ZNF385B: variants seen among roughly 807,000 people sequenced by gnomAD.
The protein encoded by ZNF385B is zinc finger protein 533.
Under a neutral mutation model 39.2 loss-of-function variants are expected in ZNF385B, and 23 were observed. That is an observed-to-expected ratio of 0.59 (90% CI 0.42 to 0.83). The LOEUF is 0.83. Ranked by LOEUF, ZNF385B falls within the 40% of genes least tolerant of loss-of-function variation. The pLI is 0.00. For missense variants in ZNF385B, 552 were observed against 598.9 expected (o/e 0.92, Z 0.82); for synonymous variants, 205 against 222.6 (o/e 0.92, Z 0.70).
intron 5 of ZNF385B, among the ~76,000 whole-genome samples, chr2:179,489,556 A>G (rs1367392858): frequency 6.6e-6 from 1 of 152,228 alleles, no homozygotes; most frequent in Non-Finnish European, 1.5e-5. Flanking sequence ...AGTTAAACAT[A>G]CTAAGAAACT....
intron 1 of ZNF385B, among the ~76,000 whole-genome samples, chr2:179,793,455 A>C (rs1705465706): frequency 6.6e-6 from 1 of 152,126 alleles, no homozygotes; most frequent in African/African-American, 2.4e-5. Flanking sequence ...AGGTGATTGG[A>C]TCATGGGGAT....
At chr2:179,707,321 A>G (rs1699681303) in intron 3 of ZNF385B, among the ~76,000 whole-genome samples, 1 of 152,182 alleles carries the variant, frequency 6.6e-6, no homozygotes, top group African/African-American at 2.4e-5. Flanking sequence ...TTAAAATGGC[A>G]TCCATCACAA....
chr2:179,515,580 T>G lies in ZNF385B; in HGVS notation c.552+2948A>C, dbSNP rs905569336. Among the ~76,000 whole-genome samples the G allele has an allele frequency of 3.3e-5, 5 of 152,240 alleles. No homozygotes were observed. The South Asian group carries it at 1.0e-3, about 31-fold the overall frequency. On this transcript the variant is annotated intron_variant, in intron 5 of 9. Transcript: ENST00000410066. ...AATTTGAACAATAACTGAGCAATAC[T>G]GTAAAATTTACTTGAATCTATTTCA...
chr2:179,627,120 T>C (rs1014683221), intron 3 of ZNF385B, among the ~76,000 whole-genome samples: 4 of 152,190 alleles, frequency 2.6e-5, no homozygotes, highest in African/African-American at 9.6e-5. Flanking sequence ...CTTCTTAGCC[T>C]ACCAATTAAT....
chr2:179,721,883 A>G lies in ZNF385B; in HGVS notation c.298+47620T>C, dbSNP rs1700719510. 2.6e-5 allele frequency among the ~76,000 whole-genome samples: 4 copies of G among 152,096 alleles called. No individual in the cohort carries two copies. The South Asian group carries it at 6.2e-4, about 24-fold the overall frequency. Reference sequence around the variant, plus strand: ...GAATAAGACAAAAACAAACAAACAAAAAACAATACAAGGTCTAAGAAATAG... The same window carrying G: ...GAATAAGACAAAAACAAACAAACAAGAAACAATACAAGGTCTAAGAAATAG... On this transcript the variant is annotated intron_variant, in intron 3 of 9. Transcript: ENST00000410066.
At chr2:179,684,121 C>G (rs997508597) in intron 3 of ZNF385B, among the ~76,000 whole-genome samples, 3 of 152,034 alleles carry the variant, frequency 2.0e-5, no homozygotes, top group Non-Finnish European at 4.4e-5. Flanking sequence ...ATTTTAGAAA[C>G]CTCCCATTTA....
intron 3 of ZNF385B, among the ~76,000 whole-genome samples, chr2:179,753,011 G>A (rs1702776354): frequency 6.6e-6 from 1 of 152,160 alleles, no homozygotes; most frequent in Non-Finnish European, 1.5e-5. Flanking sequence ...CTTTGCCCAA[G>A]CCTATGTCCT....
intron 3 of ZNF385B, among the ~76,000 whole-genome samples, chr2:179,764,174 T>C (rs965669531): frequency 6.6e-6 from 1 of 152,210 alleles, no homozygotes; most frequent in Non-Finnish European, 1.5e-5. Flanking sequence ...TAGGTCTTCC[T>C]GGTGAGTTGA....
chr2:179,834,538 C>CG (rs1156563519), intron 1 of ZNF385B, among the ~76,000 whole-genome samples: 1 of 151,840 alleles, frequency 6.6e-6, no homozygotes, highest in Admixed American at 6.6e-5. Flanking sequence ...AAACGAAAGA[C>CG]GGGGGGAAAG....
chr2:179,783,330 C>T (rs1324516342), intron 1 of ZNF385B, among the ~76,000 whole-genome samples: 13 of 152,162 alleles, frequency 8.5e-5, no homozygotes, highest in Middle Eastern at 3.4e-3. Context: ...CAAAAATCAA[C>T]CCAAGATGGA....
rs147528090 is a variant in ZNF385B, at chr2:179,483,882, T to C, written c.553-448A>G. On this transcript the variant is annotated intron_variant, in intron 5 of 9. Coordinates refer to ENST00000410066, the MANE Select transcript of ZNF385B (RefSeq NM_152520.6). ...GTGTCTACTTTCTTCTGGGCTCTGC[T>C]CTGAGACCAACTGGTGTGATAAAAC... is the stretch of plus-strand genomic sequence containing the variant. Among the ~76,000 whole-genome samples the C allele has an allele frequency of 3.7e-3, 560 of 152,314 alleles. 3 individuals are homozygous for C. The highest frequency in any genetic ancestry group is 6.7e-3 in the Non-Finnish European group (453 of 68,032).
At chr2:179,762,467 C>T (rs1039114185) in intron 3 of ZNF385B, among the ~76,000 whole-genome samples, 1 of 152,176 alleles carries the variant, frequency 6.6e-6, no homozygotes, top group African/African-American at 2.4e-5. Context: ...GCTGGGATTA[C>T]AGGTGTGAGC....
chr2:179,623,973 A>AT (rs1181940150), intron 3 of ZNF385B, among the ~76,000 whole-genome samples: 1 of 152,126 alleles, frequency 6.6e-6, no homozygotes, highest in Non-Finnish European at 1.5e-5. Context: ...CTGCAACCAT[A>AT]TTTTTTAAAA....
chr2:179,661,069 TG>T (rs1295880117), intron 3 of ZNF385B, among the ~76,000 whole-genome samples: 8 of 152,212 alleles, frequency 5.3e-5, no homozygotes, highest in Admixed American at 2.0e-4. Context: ...GGAGATTCAA[TG>T]TTAACATGAC....
chr2:179,706,136 C>T (rs768165004), intron 3 of ZNF385B, among the ~76,000 whole-genome samples: 7 of 152,222 alleles, frequency 4.6e-5, no homozygotes, highest in South Asian at 2.1e-4. Flanking sequence ...TTCTTATTTA[C>T]GGGGAATACC....
chr2:179,518,731 T>C, intron 4 of ZNF385B, 93 bp from the exon 5 acceptor site: 1 of 697,988 alleles, frequency 1.4e-6, no homozygotes. Context: ...TCCATAAAGT[T>C]TAAACTTTTA....
intron 3 of ZNF385B, among the ~76,000 whole-genome samples, chr2:179,570,561 A>G (rs1685096394): frequency 6.6e-6 from 1 of 152,186 alleles, no homozygotes; most frequent in South Asian, 2.1e-4. Context: ...ACACTTATAC[A>G]ATGCTTAACA....
At chr2:179,764,452 T>A (rs965721292) in intron 3 of ZNF385B, among the ~76,000 whole-genome samples, 1 of 152,160 alleles carries the variant, frequency 6.6e-6, no homozygotes, top group Non-Finnish European at 1.5e-5. Context: ...TAATTATTGA[T>A]GTTAGCCTTT....
At chr2:179,768,940 C>T (rs1193040692) in intron 3 of ZNF385B, among the ~76,000 whole-genome samples, 2 of 152,196 alleles carry the variant, frequency 1.3e-5, no homozygotes, top group Admixed American at 6.5e-5. Flanking sequence ...TGCTGGATTT[C>T]AGAGGGAAGC....
Sources: gnomAD v4.1 joint callset for allele counts (sites outside exome capture counted in the v4.1 genomes callset) on GRCh38, gnomAD v4.1.1 for gene constraint, MANE v1.5 for transcripts, NCBI Gene and HGNC (gene_info 2026-07-23, HGNC 2026-07-21) for gene names.